HSD11B1: variants seen among roughly 807,000 people sequenced by gnomAD.
HSD11B1 encodes hydroxysteroid 11-beta dehydrogenase 1.
HSD11B1 carries 15 observed loss-of-function variants against 22.1 expected under a neutral mutation model. The ratio of observed to expected loss-of-function variants is 0.68; its 90% confidence interval spans 0.45 to 1.04. HSD11B1 has a LOEUF of 1.04. HSD11B1 is among the 50% of genes least tolerant of loss of function. The pLI is 0.00. For synonymous variants in HSD11B1, 122 were observed against 125.2 expected (o/e 0.97, Z 0.17); for missense variants, 281 against 357.6 (o/e 0.79, Z 1.73).
At chr1:209,697,898 T>TTTTTTTTTTTTTTTTTTTTTTTTTTTTG (rs2076801382) in intron 1 of HSD11B1, among the ~76,000 whole-genome samples, 1 of 113,384 alleles carries the variant, frequency 8.8e-6, no homozygotes, top group African/African-American at 3.3e-5. Flanking sequence ...TTTTTTTTTT[T>TTTTTTTTTTTTTTTTTTTTTTTTTTTTG]TTTTTTTTTT....
At chr1:209,697,336 G>A (rs1197278973) in intron 1 of HSD11B1, among the ~76,000 whole-genome samples, 2 of 152,104 alleles carry the variant, frequency 1.3e-5, no homozygotes, top group African/African-American at 4.8e-5. Flanking sequence ...AATGCTCACT[G>A]TTATCATTCT....
At chr1:209,704,753 G>A (rs1401443512), upstream of HSD11B1, 39 of 584,432 alleles carry the variant, frequency 6.7e-5, 1 homozygote, top group Admixed American at 5.7e-5. Flanking sequence ...TGCCAGGGAC[G>A]AATGGGATCC....
At chr1:209,722,263 A>T (rs117838752) in intron 4 of HSD11B1, among the ~76,000 whole-genome samples, 1 of 152,148 alleles carries the variant, frequency 6.6e-6, no homozygotes. Flanking sequence ...ATTTAGTAAA[A>T]GTTTTATCTT....
At chr1:209,732,619 T>G in intron 5 of HSD11B1, 40 bp downstream of exon 5, 1 of 1,549,050 alleles carries the variant, frequency 6.5e-7, no homozygotes, top group South Asian at 1.1e-5. Flanking sequence ...ATTATTATAC[T>G]TTAAGTTCTA....
chr1:209,701,627 A>G (rs1021278556), upstream of HSD11B1, among the ~76,000 whole-genome samples: 2 of 152,226 alleles, frequency 1.3e-5, no homozygotes, highest in African/African-American at 4.8e-5. Context: ...GGTTTGCCCA[A>G]CAAGATTTCA....
At chr1:209,704,453 T>TG (rs887503349), upstream of HSD11B1, among the ~76,000 whole-genome samples, 3 of 105,256 alleles carry the variant, frequency 2.9e-5, no homozygotes, top group East Asian at 6.1e-4. Flanking sequence ...TCCCACTGGG[T>TG]GGGGGGGTAG....
chr1:209,702,027 A>T (rs1298268793), upstream of HSD11B1, among the ~76,000 whole-genome samples: 1 of 152,192 alleles, frequency 6.6e-6, no homozygotes, highest in Non-Finnish European at 1.5e-5. Flanking sequence ...CTGGAATGGG[A>T]ATGGTCAGTG....
At chr1:209,705,544 C>A (rs1222048707) in intron 1 of HSD11B1, among the ~76,000 whole-genome samples, 4 of 152,226 alleles carry the variant, frequency 2.6e-5, no homozygotes, top group South Asian at 4.1e-4. Flanking sequence ...TGAACCATGA[C>A]TTTTCTGGCT....
rs150277921 is a variant in HSD11B1, at chr1:209,723,534, C to T, written c.518-8902C>T. ...GCAGATGGCAACACTTTTCTGGTTACTCCAGGTTAATAAAAAATCCTATGG... is the reference window on the plus strand; with the variant it reads ...GCAGATGGCAACACTTTTCTGGTTATTCCAGGTTAATAAAAAATCCTATGG... On this transcript the variant is annotated intron_variant, in intron 4 of 5. Coordinates refer to ENST00000367027, the MANE Select transcript of HSD11B1 (RefSeq NM_005525.4). Among the ~76,000 whole-genome samples the T allele has an allele frequency of 3.5e-4, 54 of 152,308 alleles. No homozygotes were observed. The East Asian group carries it at 8.7e-3, about 24-fold the overall frequency.
chr1:209,727,408 C>G (rs1475620005), intron 4 of HSD11B1, among the ~76,000 whole-genome samples: 1 of 152,174 alleles, frequency 6.6e-6, no homozygotes, highest in East Asian at 1.9e-4. Context: ...TACAAAGGGA[C>G]TAGGAGTGAC....
intron 4 of HSD11B1, among the ~76,000 whole-genome samples, chr1:209,722,621 A>G (rs1054253979): frequency 6.6e-6 from 1 of 152,150 alleles, no homozygotes; most frequent in African/African-American, 2.4e-5. Flanking sequence ...CAATCCAAAC[A>G]ACTAAAGAGT....
chr1:209,706,934 CT>C lies in HSD11B1; in HGVS notation c.332-8del. 4 of 1,613,636 alleles carry C rather than the reference CT, an allele frequency of 2.5e-6. No homozygotes were observed. The highest frequency in any genetic ancestry group is 3.4e-6 in the Non-Finnish European group (4 of 1,179,506). On this transcript the variant is annotated splice_region_variant and splice_polypyrimidine_tract_variant and intron_variant, in intron 3 of 5. Coordinates refer to ENST00000367027, the MANE Select transcript of HSD11B1 (RefSeq NM_005525.4). This position sits in a 1 kb window ranked among gnomAD's most constrained non-coding sequence, Gnocchi z 4.0. ...CCAGATGATTTCTTAATATAGCCAT[CT>C]CTTGCAGGAGGACTAGACATGCTCA...
intron 4 of HSD11B1, among the ~76,000 whole-genome samples, chr1:209,725,708 T>C (rs1014220183): frequency 5.3e-5 from 8 of 151,940 alleles, no homozygotes; most frequent in African/African-American, 1.9e-4. Context: ...CCACTATGAA[T>C]ATCATTTATG....
rs1232524140 is a variant in HSD11B1 at position 209,732,592 on chromosome 1, C to G, written c.661+13C>G. ...CTCATAGACACAGGTAAGGTCAATA[C>G]TTTGTGTTTTTTTTTAATTATTATA... On this transcript the variant is annotated intron_variant, in intron 5 of 5. Transcript: ENST00000367027. 1.2e-6 allele frequency: 2 copies of G among 1,608,930 alleles called. No individual in the cohort carries two copies. The highest frequency in any genetic ancestry group is 8.5e-7 in the Non-Finnish European group (1 of 1,175,648).
At chr1:209,715,573 G>A (rs2076924988) in intron 4 of HSD11B1, among the ~76,000 whole-genome samples, 1 of 152,146 alleles carries the variant, frequency 6.6e-6, no homozygotes, top group African/African-American at 2.4e-5. Flanking sequence ...AGGACACAGA[G>A]GCCAACTTTA....
In HSD11B1 at chr1:209,706,823, G is replaced by C. The variant is rs1163387475; in HGVS notation, c.331+3G>C. 1 of 1,613,156 alleles carries C rather than the reference G, an allele frequency of 6.2e-7. No homozygotes were observed. Among genetic ancestry groups the C allele is most frequent in the Non-Finnish European group, 8.5e-7 (1 of 1,179,210 alleles). On this transcript the variant is annotated splice_donor_region_variant and intron_variant, in intron 3 of 5. Coordinates refer to ENST00000367027, the MANE Select transcript of HSD11B1 (RefSeq NM_005525.4). The surrounding 1 kb of genome is among the most constrained non-coding windows in gnomAD (Gnocchi z 4.0). ...TGCCCAAGCAGGAAAGCTCATGGGT[G>C]AGGCTGTTTCTCTTACCTCCTCCTC...
chr1:209,690,984 C>T (rs572316133), intron 1 of HSD11B1, among the ~76,000 whole-genome samples: 1 of 152,030 alleles, frequency 6.6e-6, no homozygotes, highest in Non-Finnish European at 1.5e-5. Context: ...GTGCCCAACA[C>T]AATGAACCAC....
chr1:209,717,329 G>GA (rs2076936369), intron 4 of HSD11B1, among the ~76,000 whole-genome samples: 3 of 152,058 alleles, frequency 2.0e-5, no homozygotes. Context: ...TAATCATTAA[G>GA]AAAATGCAAA....
chr1:209,710,817 T>C (rs1332233260), intron 4 of HSD11B1, among the ~76,000 whole-genome samples: 1 of 152,274 alleles, frequency 6.6e-6, no homozygotes, highest in East Asian at 1.9e-4. Flanking sequence ...AGAAGCTCCA[T>C]AAGTGTCTCC....
Sources: allele counts gnomAD v4.1 joint callset (sites outside exome capture counted in the v4.1 genomes callset), GRCh38; gene constraint gnomAD v4.1.1; non-coding constraint Gnocchi (gnomAD v3.1); transcripts MANE v1.5; gene names NCBI Gene and HGNC (gene_info 2026-07-23, HGNC 2026-07-21).